ARL13B: variants seen among roughly 807,000 people sequenced by gnomAD.
ARL13B encodes the protein ADP-ribosylation factor-like protein 13B.
Under a neutral mutation model 56.1 loss-of-function variants are expected in ARL13B, and 36 were observed. That is an observed-to-expected ratio of 0.64 (90% confidence interval 0.49 to 0.85). ARL13B has a LOEUF of 0.85. Ranked by LOEUF, ARL13B falls within the 40% of genes least tolerant of loss-of-function variation. The pLI is 0.00. For missense variants in ARL13B, 519 were observed against 507.1 expected (o/e 1.02, Z -0.23); for synonymous variants, 178 against 171.1 (o/e 1.04, Z -0.32).
At chr3:93,999,087 CTATTTATT>C (rs6147954) in intron 2 of ARL13B, among the ~76,000 whole-genome samples, 198 of 149,622 alleles carry the variant, frequency 1.3e-3, no homozygotes, top group African/African-American at 4.3e-3. Flanking sequence ...AATTCATATT[CTATTTATT>C]TATTTATTTA....
intron 1 of ARL13B, among the ~76,000 whole-genome samples, chr3:93,986,950 T>G (rs1340816901): frequency 7.0e-6 from 1 of 141,894 alleles, no homozygotes; most frequent in Non-Finnish European, 1.6e-5. Context: ...CCAGCCTGGG[T>G]GACAGAATGA....
intron 5 of ARL13B, among the ~76,000 whole-genome samples, chr3:94,039,387 C>G (rs948150582): frequency 1.1e-4 from 16 of 150,236 alleles, no homozygotes; most frequent in African/African-American, 3.9e-4. Context: ...GTAGTCCCAG[C>G]TACTCAGGAG....
chr3:94,018,759 A>G (rs564900846), intron 3 of ARL13B, among the ~76,000 whole-genome samples: 114 of 152,086 alleles, frequency 7.5e-4, no homozygotes, highest in African/African-American at 2.7e-3. Flanking sequence ...CCAGAGACTC[A>G]GAAGTCTTTT....
At chr3:93,984,739 G>A (rs1267750510) in intron 1 of ARL13B, among the ~76,000 whole-genome samples, 1 of 152,034 alleles carries the variant, frequency 6.6e-6, no homozygotes, top group Non-Finnish European at 1.5e-5. Context: ...TTTGAATTCA[G>A]GCTGGGTGTG....
intron 3 of ARL13B, among the ~76,000 whole-genome samples, chr3:94,033,155 TTAAA>T (rs1168935490): frequency 6.6e-6 from 1 of 152,174 alleles, no homozygotes; most frequent in African/African-American, 2.4e-5. Flanking sequence ...CAAGTGGAAG[TTAAA>T]TAATGTGTAC....
At chr3:94,052,927 A>T (rs773033644) in intron 9 of ARL13B, among the ~76,000 whole-genome samples, 1 of 152,140 alleles carries the variant, frequency 6.6e-6, no homozygotes, top group African/African-American at 2.4e-5. Context: ...AATAAGTAAT[A>T]TGTGATTAAT....
chr3:94,020,362 A>G (rs1279021842), intron 3 of ARL13B, among the ~76,000 whole-genome samples: 1 of 152,208 alleles, frequency 6.6e-6, no homozygotes, highest in Non-Finnish European at 1.5e-5. Flanking sequence ...AGCTTTAGTA[A>G]TTGAACCATG....
chr3:93,986,648 A>G (rs1290816753), intron 1 of ARL13B, among the ~76,000 whole-genome samples: 4 of 152,038 alleles, frequency 2.6e-5, no homozygotes, highest in African/African-American at 9.7e-5. Context: ...GTTTTCTTTG[A>G]CTTGCATAAT....
chr3:94,041,871 C>T (rs1198382225), intron 6 of ARL13B, among the ~76,000 whole-genome samples: 1 of 152,042 alleles, frequency 6.6e-6, no homozygotes, highest in South Asian at 2.1e-4. Context: ...CCAGCCTGGC[C>T]AAGACGGTGA....
intron 1 of ARL13B, among the ~76,000 whole-genome samples, chr3:93,981,180 T>G (rs1710197875): frequency 6.6e-6 from 1 of 152,214 alleles, no homozygotes; most frequent in South Asian, 2.1e-4. Context: ...TTGATATTCA[T>G]TCATTCAAAA....
intron 2 of ARL13B, chr3:93,996,597 G>A: frequency 2.3e-6 from 1 of 439,214 alleles, no homozygotes; most frequent in Non-Finnish European, 4.6e-6. Context: ...AAGCTGGTCT[G>A]GAATGCCTAG....
At chr3:94,034,322 T>C (rs904944956) in intron 3 of ARL13B, among the ~76,000 whole-genome samples, 1 of 152,138 alleles carries the variant, frequency 6.6e-6, no homozygotes, top group Non-Finnish European at 1.5e-5. Flanking sequence ...TTTCTTAGTC[T>C]ATGTACTTAA....
At chr3:93,988,970 C>T in intron 1 of ARL13B, 1 of 304,368 alleles carries the variant, frequency 3.3e-6, no homozygotes. Context: ...GGGGCACTTG[C>T]TGGGCACCTG....
At chr3:94,004,246 A>G (rs1312188293) in intron 3 of ARL13B, among the ~76,000 whole-genome samples, 1 of 152,126 alleles carries the variant, frequency 6.6e-6, no homozygotes, top group African/African-American at 2.4e-5. Flanking sequence ...CTCTTTTAGT[A>G]ACTTGTATTT....
chr3:94,040,087 T>C, intron 6 of ARL13B, 99 bp downstream of exon 6: 11 of 975,508 alleles, frequency 1.1e-5, no homozygotes, highest in East Asian at 2.6e-5. Flanking sequence ...GAAACAGATG[T>C]GTTTCTTCTG....
chr3:94,043,327 C>G, intron 7 of ARL13B, 87 bp downstream of exon 7: 1 of 1,175,368 alleles, frequency 8.5e-7, no homozygotes. Context: ...TTTGTTTTTA[C>G]AAACGAGTAC....
chr3:94,026,188 T>C (rs1438808998), intron 3 of ARL13B, among the ~76,000 whole-genome samples: 1 of 152,086 alleles, frequency 6.6e-6, no homozygotes, highest in Non-Finnish European at 1.5e-5. Context: ...CCCGACTAAC[T>C]TTTTATATTT....
chr3:94,050,529 T>G (rs1054905199), intron 8 of ARL13B, among the ~76,000 whole-genome samples: 13 of 152,190 alleles, frequency 8.5e-5, no homozygotes, highest in African/African-American at 3.1e-4. Flanking sequence ...AGAAAATATT[T>G]AGTTTCTGCC....
intron 1 of ARL13B, among the ~76,000 whole-genome samples, chr3:93,984,307 G>C (rs550467514): frequency 2.6e-5 from 4 of 151,592 alleles, no homozygotes; most frequent in Admixed American, 1.3e-4. Flanking sequence ...AGTGAGCTGA[G>C]ATCATGCCAC....
Sources: allele counts gnomAD v4.1 joint callset (sites outside exome capture counted in the v4.1 genomes callset), GRCh38; gene constraint gnomAD v4.1.1; transcripts MANE v1.5; gene names NCBI Gene and HGNC (gene_info 2026-07-23, HGNC 2026-07-21).